ZNF200: variants seen among roughly 807,000 people sequenced by gnomAD.
ZNF200 encodes the protein zinc finger protein 200.
ZNF200 carries 35 observed loss-of-function variants against 33.6 expected under a neutral mutation model. The ratio of observed to expected loss-of-function variants is 1.04; its 90% CI spans 0.80 to 1.38. The LOEUF is 1.38. Ranked by LOEUF, ZNF200 falls within the 40% of genes most tolerant of loss-of-function variation. ZNF200 has a pLI of 0.00. For missense variants in ZNF200, 592 were observed against 470.6 expected (o/e 1.26, Z -2.39); for synonymous variants, 209 against 167.7 (o/e 1.25, Z -1.90).
chr16:3,225,518 G>C (rs914315236), intron 4 of ZNF200: 2 of 152,198 alleles, frequency 1.3e-5, no homozygotes, highest in Non-Finnish European at 2.9e-5. Context: ...TTAGAAGTCA[G>C]TAGTGTTTCT....
intron 4 of ZNF200, chr16:3,226,827 C>T (rs1958486409): frequency 6.6e-6 from 1 of 152,220 alleles, no homozygotes; most frequent in Admixed American, 6.5e-5. Context: ...TGCAATTACC[C>T]TTATACAGGG....
At position 3,235,051 on chromosome 16, in the gene ZNF200, G is replaced by A. The variant is rs542129215; in HGVS notation, c.-146C>T. The stretch of plus-strand genomic sequence containing the variant: ...CGGCTCAGAGACTCAGGCTCCGGGA[G>A]AGATAGAAAAACTAGGCGCGAGCGG... On this transcript the variant is annotated 5_prime_UTR_variant, in exon 1 of 5. Transcript: ENST00000414144. 2 of 152,330 alleles carry A rather than the reference G, an allele frequency of 1.3e-5. No homozygotes were observed. Among genetic ancestry groups the A allele is most frequent in the East Asian group, 3.9e-4 (2 of 5,168 alleles). The allele number at this position is 152,330 out of a possible 1,614,324, so 9.4% of individuals were successfully genotyped here.
At position 3,233,847 on chromosome 16, in the gene ZNF200, A is replaced by T; in HGVS notation, c.-81-11T>A. 6.6e-7 allele frequency: 1 copy of T among 1,510,792 alleles called. No homozygotes were observed. Among genetic ancestry groups the T allele is most frequent in the Non-Finnish European group, 8.8e-7 (1 of 1,131,452 alleles). The allele number at this position is 1,510,792 out of a possible 1,614,324, so 93.6% of individuals were successfully genotyped here. A position where few individuals can be genotyped will look rare whatever the true frequency, so the allele number is the denominator to read the frequency against. On this transcript the variant is annotated splice_polypyrimidine_tract_variant and intron_variant, in intron 1 of 4. Coordinates refer to ENST00000414144, the MANE Select transcript of ZNF200 (RefSeq NM_198088.3). ...TGCCAGAGAGCCAAGCTGTAGACAG[A>T]GAAACCAGGGATTACCCAAAAGACC... is the stretch of plus-strand genomic sequence containing the variant.
At position 3,222,376 on chromosome 16, in the gene ZNF200, A is replaced by G. The variant is rs1232392319; in HGVS notation, c.*1516T>C. ...GATGGTGTCATTTTACCAAAAGTTA[A>G]CAGAACTAAACCAACAAACTATTGA... On this transcript the variant is annotated 3_prime_UTR_variant, in exon 5 of 5. Coordinates refer to ENST00000414144, the MANE Select transcript of ZNF200 (RefSeq NM_198088.3). The G allele has an allele frequency of 5.9e-5, 9 of 152,128 alleles. No homozygotes were observed. Among genetic ancestry groups the G allele is most frequent in the African/African-American group, 1.9e-4 (8 of 41,356 alleles). 9.4% of individuals were successfully genotyped at this position (152,128 alleles called of 1,614,324 possible). A position where few individuals can be genotyped will look rare whatever the true frequency, so the allele number is the denominator to read the frequency against.
At chr16:3,234,136 T>A (rs1866050432) in intron 1 of ZNF200, 1 of 165,958 alleles carries the variant, frequency 6.0e-6, no homozygotes, top group Non-Finnish European at 1.3e-5. Context: ...CAGGTACCGG[T>A]GGCTCACACC....
intron 4 of ZNF200, among the ~76,000 whole-genome samples, chr16:3,229,165 AT>A (rs1958564645): frequency 6.6e-6 from 1 of 151,580 alleles, no homozygotes; most frequent in African/African-American, 2.4e-5. Context: ...ATTTTATATA[AT>A]GAATTTGAGC....
At position 3,233,039 on chromosome 16, in the gene ZNF200, G is replaced by A. The variant is rs1958684744; in HGVS notation, c.251-118C>T. 6.1e-6 allele frequency: 5 copies of A among 817,910 alleles called. No homozygotes were observed. In the Admixed American group the frequency reaches 9.1e-5, roughly 15 times the overall value. 50.7% of individuals were successfully genotyped at this position (817,910 alleles called of 1,614,324 possible). On this transcript the variant is annotated intron_variant, in intron 2 of 4. Coordinates refer to ENST00000414144, the MANE Select transcript of ZNF200 (RefSeq NM_198088.3). ...TGACAGGTAACTCATGGCCTTTTCT[G>A]CTCCTGTGAGCCCTTATAGAGTTCA...
At chr16:3,231,732 G>A (rs945646915) in intron 4 of ZNF200, among the ~76,000 whole-genome samples, 2 of 152,212 alleles carry the variant, frequency 1.3e-5, no homozygotes, top group Admixed American at 1.3e-4. Flanking sequence ...GCATCTAGGA[G>A]ACAGTACAGC....
rs373072784 is a variant in ZNF200, at chr16:3,233,690, C to A, written c.66G>T (p.Pro22=). ...GGTCTTGGCCCAGCTTGGAGTCTGG[C>A]GGAACTCTCAGTATAAAGGACTGCT... ...KPKQSFILRV[P]PDSKLGQDLL... Residue 22 remains proline, a synonymous_variant, in exon 2 of 5, where the codon CCG becomes CCT. Transcript: ENST00000414144. 2 of 1,613,564 alleles carry A rather than the reference C, an allele frequency of 1.2e-6. No individual in the cohort carries two copies. The highest frequency in any genetic ancestry group is 2.7e-5 in the African/African-American group (2 of 74,914).
chr16:3,231,602 T>C (rs1958637063), intron 4 of ZNF200, among the ~76,000 whole-genome samples: 3 of 152,204 alleles, frequency 2.0e-5, no homozygotes, highest in Admixed American at 6.5e-5. Flanking sequence ...GGCTGCTGCT[T>C]GATCAGTTCA....
chr16:3,234,055 C>T (rs1403025956), intron 1 of ZNF200: 2 of 249,972 alleles, frequency 8.0e-6, no homozygotes, highest in Non-Finnish European at 1.5e-5. Flanking sequence ...AACCTCAAGT[C>T]CAAAGGGAAG....
In ZNF200 at chr16:3,223,749, GC is replaced by G; in HGVS notation, c.*142del. ...AATTTTCTAGCAATTTGAGGTTTTA[GC>G]TAAGATGGGCATTTATCCAATTTTG... On this transcript the variant is annotated 3_prime_UTR_variant, in exon 5 of 5. Transcript: ENST00000414144. 1 of 1,277,462 alleles carries G rather than the reference GC, an allele frequency of 7.8e-7. No homozygotes were observed. Among genetic ancestry groups the G allele is most frequent in the Non-Finnish European group, 1.1e-6 (1 of 943,284 alleles). 79.1% of individuals were successfully genotyped at this position (1,277,462 alleles called of 1,614,324 possible).
chr16:3,233,757 C>G lies in ZNF200; in HGVS notation c.-2G>C, dbSNP rs201139762. On this transcript the variant is annotated 5_prime_UTR_variant, in exon 2 of 5. Transcript: ENST00000414144. ...AGGAACCACTTTTGCAGCCATCATG[C>G]CTTGCAACCACACACCACACTCGTT... 11 of 1,607,738 alleles carry G rather than the reference C, an allele frequency of 6.8e-6. No homozygotes were observed. The highest frequency in any genetic ancestry group is 9.3e-6 in the Non-Finnish European group (11 of 1,176,756).
chr16:3,231,575 T>C (rs578206348), intron 4 of ZNF200, among the ~76,000 whole-genome samples: 15 of 152,354 alleles, frequency 9.8e-5, no homozygotes, highest in Non-Finnish European at 2.1e-4. Context: ...AAAGCATCTC[T>C]AAGCAAATTA....
In ZNF200 at chr16:3,224,363, A is replaced by G. The variant is rs754005156; in HGVS notation, c.717T>C (p.Ile239=). The G allele has an allele frequency of 7.4e-6, 12 of 1,614,224 alleles. No homozygotes were observed. The East Asian group carries it at 2.0e-4, about 27-fold the overall frequency. ...EELSKYVDIS[I]IALTRNRRTR... Reference sequence around the variant, plus strand: ...TCCTCCGATTTCGAGTAAGGGCAATAATACTGATGTCTACATATTTTGAGA... The same window carrying G: ...TCCTCCGATTTCGAGTAAGGGCAATGATACTGATGTCTACATATTTTGAGA... The change falls in exon 5 of 5, where the codon ATT becomes ATC. Residue 239 remains isoleucine (I), a synonymous_variant. Coordinates refer to ENST00000414144, the MANE Select transcript of ZNF200 (RefSeq NM_198088.3).
chr16:3,227,789 T>C (rs1489571036), intron 4 of ZNF200: 1 of 152,244 alleles, frequency 6.6e-6, no homozygotes, highest in Non-Finnish European at 1.5e-5. Context: ...CAATTAAACC[T>C]GTTTCCTTTA....
intron 4 of ZNF200, among the ~76,000 whole-genome samples, chr16:3,229,992 C>G (rs1174254904): frequency 3.3e-5 from 5 of 152,244 alleles, no homozygotes; most frequent in Non-Finnish European, 5.9e-5. Context: ...TCGGAGGTGT[C>G]TGCATCATGT....
chr16:3,233,599 A>T lies in ZNF200; in HGVS notation c.157T>A (p.Phe53Ile), dbSNP rs1178819777. The T allele has an allele frequency of 3.1e-6, 5 of 1,613,372 alleles. No individual in the cohort carries two copies. The highest frequency in any genetic ancestry group is 4.2e-6 in the Non-Finnish European group (5 of 1,179,794). The change falls in exon 2 of 5, where the codon TTC becomes ATC. Residue 53 changes from phenylalanine (F) to isoleucine (I), a missense_variant. Phe to Ile is a conservative substitution (Grantham distance 21). Transcript: ENST00000414144. ...HQLVLEHFLT[F>I]LPKPSLVQPS... is the part of the protein sequence containing the mutation. ...TGGACCAGGCTTGGCTTGGGCAAGA[A>T]GGTGAGGAAGTGCTCCAGCACTAGC... is the stretch of plus-strand genomic sequence containing the variant.
chr16:3,226,777 T>A (rs750724293), intron 4 of ZNF200: 1 of 152,224 alleles, frequency 6.6e-6, no homozygotes, highest in African/African-American at 2.4e-5. Context: ...ATTTCCAGAA[T>A]TGAACTCCTG....
Sources: gnomAD v4.1 joint callset for allele counts (sites outside exome capture counted in the v4.1 genomes callset) on GRCh38, gnomAD v4.1.1 for gene constraint, MANE v1.5 for transcripts, NCBI Gene and HGNC (gene_info 2026-07-23, HGNC 2026-07-21) for gene names.